Variants in KCND3 observed in about 807,000 individuals in gnomAD.
KCND3 encodes the protein A-type voltage-gated potassium channel KCND3.
Under a neutral mutation model 51.1 loss-of-function variants are expected in KCND3, and 9 were observed. That is an observed-to-expected ratio of 0.18 (90% CI 0.11 to 0.31). The LOEUF (loss-of-function observed/expected upper bound fraction) is 0.31, where lower values mean the gene tolerates loss of function less well. Ranked by LOEUF, KCND3 falls within the 10% of genes least tolerant of loss-of-function variation. The probability of loss-of-function intolerance (pLI) is 1.00; values close to 1 mark genes in which losing one functional copy is unlikely to be tolerated. For synonymous variants in KCND3, 349 were observed against 368.0 expected (o/e 0.95, Z 0.59); for missense variants, 526 against 903.8 (o/e 0.58, Z 5.36).
intron 2 of KCND3, among the ~76,000 whole-genome samples, chr1:111,953,314 G>A (rs1232824536): frequency 6.6e-6 from 1 of 152,224 alleles, no homozygotes; most frequent in African/African-American, 2.4e-5. Context: ...CTGGTGTGCT[G>A]TGAGTGCTTC....
At chr1:111,839,272 AGTC>A (rs1195297455) in intron 2 of KCND3, among the ~76,000 whole-genome samples, 3 of 152,204 alleles carry the variant, frequency 2.0e-5, no homozygotes, top group African/African-American at 4.8e-5. Context: ...TTGGGTCTGG[AGTC>A]TTGACCTCAT....
Position 111,780,157 on chromosome 1 carries a change from G to A in KCND3, c.1461+68C>T. On this transcript the variant is annotated intron_variant, in intron 5 of 7. Transcript: ENST00000302127. This position sits in a 1 kb window ranked among gnomAD's most constrained non-coding sequence, Gnocchi z 4.2. ...TTGACTTCTGGCCCAGAGTGAAGAT[G>A]TGAGTACAGCCTTAGAAAAGGGTCA... The A allele has an allele frequency of 2.1e-6, 3 of 1,418,678 alleles. No homozygotes were observed. Among genetic ancestry groups the A allele is most frequent in the South Asian group, 1.2e-5 (1 of 81,402 alleles). The allele number at this position is 1,418,678 out of a possible 1,614,324, so 87.9% of individuals were successfully genotyped here.
chr1:111,820,132 C>T (rs1215308958), intron 2 of KCND3, among the ~76,000 whole-genome samples: 1 of 152,210 alleles, frequency 6.6e-6, no homozygotes, highest in East Asian at 1.9e-4. Context: ...ATTACCATTA[C>T]TTGTTATGCA....
chr1:111,969,474 G>T (rs1043081532), intron 2 of KCND3, among the ~76,000 whole-genome samples: 2 of 152,236 alleles, frequency 1.3e-5, no homozygotes, highest in Non-Finnish European at 2.9e-5. Context: ...ACACTGGTCA[G>T]CTCACTGCCA....
chr1:111,842,252 A>G (rs1401145709), intron 2 of KCND3, among the ~76,000 whole-genome samples: 2 of 152,166 alleles, frequency 1.3e-5, no homozygotes, highest in Non-Finnish European at 2.9e-5. Flanking sequence ...TGGGCTCCAC[A>G]TAGGCCCCAG....
chr1:111,965,438 CCACACACACACA>C (rs56156826), intron 2 of KCND3, among the ~76,000 whole-genome samples: 2,192 of 72,412 alleles, frequency 0.03, 68 homozygotes, highest in African/African-American at 0.1. Context: ...GCCAGCAAAA[CCACACACACACA>C]CACACACACA....
chr1:111,854,147 T>G (rs749575186), intron 2 of KCND3: 15 of 152,196 alleles, frequency 9.9e-5, no homozygotes, highest in Non-Finnish European at 1.9e-4. Flanking sequence ...CTGAGAATGT[T>G]GTACTGCTCA....
At chr1:111,797,188 G>C (rs56032315) in intron 2 of KCND3, among the ~76,000 whole-genome samples, 25,321 of 152,226 alleles carry the variant, frequency 0.17, 2,306 homozygotes, top group Admixed American at 0.22. Flanking sequence ...CACTGATGTT[G>C]GTGATCTGGG....
chr1:111,824,716 C>T (rs1307936790), intron 2 of KCND3, among the ~76,000 whole-genome samples: 1 of 152,222 alleles, frequency 6.6e-6, no homozygotes, highest in East Asian at 1.9e-4. Flanking sequence ...ATCTGAAACT[C>T]ACCAGATCAC....
chr1:111,826,740 T>A (rs895700419), intron 2 of KCND3, among the ~76,000 whole-genome samples: 5 of 152,204 alleles, frequency 3.3e-5, no homozygotes, highest in African/African-American at 1.2e-4. Context: ...TACTGGGAGA[T>A]GTGAAGTTTC....
chr1:111,944,679 G>A (rs1264043436), intron 2 of KCND3, among the ~76,000 whole-genome samples: 2 of 152,234 alleles, frequency 1.3e-5, no homozygotes, highest in Non-Finnish European at 2.9e-5. Flanking sequence ...TTGCCCTGAT[G>A]TTGGCTCACT....
intron 2 of KCND3, among the ~76,000 whole-genome samples, chr1:111,898,551 G>C (rs902391466): frequency 3.3e-5 from 5 of 152,202 alleles, no homozygotes; most frequent in African/African-American, 1.2e-4. Flanking sequence ...CCTGGGGTCT[G>C]GCACAAGGAG....
intron 3 of KCND3, 59 bp downstream of exon 3, chr1:111,786,885 T>G: frequency 6.2e-7 from 1 of 1,602,130 alleles, no homozygotes; most frequent in Non-Finnish European, 8.5e-7. Flanking sequence ...CCTGGCTCCC[T>G]GACTGGTGCT....
intron 2 of KCND3, among the ~76,000 whole-genome samples, chr1:111,855,642 T>C (rs1668031009): frequency 6.6e-6 from 1 of 152,166 alleles, no homozygotes; most frequent in Non-Finnish European, 1.5e-5. Context: ...TCCTGTTCTC[T>C]ATATGGGTCT....
chr1:111,885,851 T>G (rs1005000276), intron 2 of KCND3, among the ~76,000 whole-genome samples: 2 of 151,976 alleles, frequency 1.3e-5, no homozygotes, highest in African/African-American at 2.4e-5. Flanking sequence ...TTTTATATTT[T>G]TAGTAGAGAT....
At chr1:111,793,024 C>T (rs1664904441) in intron 2 of KCND3, among the ~76,000 whole-genome samples, 1 of 151,416 alleles carries the variant, frequency 6.6e-6, no homozygotes, top group African/African-American at 2.4e-5. Context: ...TGGTTGCCAC[C>T]ATGCCCAGCT....
chr1:111,969,472 C>T (rs1372897502), intron 2 of KCND3, among the ~76,000 whole-genome samples: 1 of 152,226 alleles, frequency 6.6e-6, no homozygotes, highest in African/African-American at 2.4e-5. Context: ...AGACACTGGT[C>T]AGCTCACTGC....
At chr1:111,886,829 C>T (rs531768874) in intron 2 of KCND3, among the ~76,000 whole-genome samples, 2 of 152,296 alleles carry the variant, frequency 1.3e-5, no homozygotes, top group South Asian at 4.1e-4. Context: ...ATTTGTGTGA[C>T]CCCAACACAT....
At chr1:111,912,848 T>A (rs894440119) in intron 2 of KCND3, among the ~76,000 whole-genome samples, 12 of 152,232 alleles carry the variant, frequency 7.9e-5, no homozygotes, top group African/African-American at 2.7e-4. Context: ...TTTAAGCTAT[T>A]ACTGGAAGAG....
Sources: allele counts gnomAD v4.1 joint callset (sites outside exome capture counted in the v4.1 genomes callset), GRCh38; gene constraint gnomAD v4.1.1; non-coding constraint Gnocchi (gnomAD v3.1); transcripts MANE v1.5; gene names NCBI Gene and HGNC (gene_info 2026-07-23, HGNC 2026-07-21).